Variants in PCGF6 observed in about 807,000 individuals in gnomAD.
PCGF6 encodes polycomb group RING finger protein 6.
In PCGF6, 24 loss-of-function variants were observed where a neutral mutation model predicts 45.5. The observed-to-expected ratio is 0.53, with a 90% CI of 0.38 to 0.74. The LOEUF is 0.74. PCGF6 is among the 30% of genes least tolerant of loss of function. The probability of loss-of-function intolerance (pLI) is 0.00; values close to 1 mark genes in which losing one functional copy is unlikely to be tolerated. For missense variants in PCGF6, 356 were observed against 443.2 expected (o/e 0.80, Z 1.77); for synonymous variants, 152 against 162.1 (o/e 0.94, Z 0.47).
At chr10:103,323,230 T>C (rs1427004908) in intron 8 of PCGF6, among the ~76,000 whole-genome samples, 1 of 152,212 alleles carries the variant, frequency 6.6e-6, no homozygotes, top group Admixed American at 6.5e-5. Flanking sequence ...AGAGAAGTCA[T>C]ATTTCACTGG....
At position 103,315,560 on chromosome 10, in the gene PCGF6, T is replaced by C. The variant is rs113077861; in HGVS notation, c.910-1288A>G. On this transcript the variant is annotated intron_variant, in intron 8 of 9. Transcript: ENST00000369847. ...ATTTTTAGTAGAGACGGGGTTTCAG[T>C]GTGTTAGCCAGGATGGTCTAGATCT... 4.0e-3 allele frequency among the ~76,000 whole-genome samples: 604 copies of C among 152,174 alleles called. 1 individual carries two copies. The highest frequency in any genetic ancestry group is 0.012 in the African/African-American group (511 of 41,528).
rs766729438 is a variant in PCGF6 at position 103,345,149 on chromosome 10, C to A, written c.674-17G>T. 2.0e-6 allele frequency: 3 copies of A among 1,514,924 alleles called. No homozygotes were observed. The highest frequency in any genetic ancestry group is 2.7e-6 in the Non-Finnish European group (3 of 1,108,128). 93.8% of individuals were successfully genotyped at this position (1,514,924 alleles called of 1,614,324 possible). A position where few individuals can be genotyped will look rare whatever the true frequency, so the allele number is the denominator to read the frequency against. ...GTGGAACAGCTATTTAATAGTCAAACAAAAATGTTAATTAAGAATAAAAAT... is the reference window on the plus strand; with the variant it reads ...GTGGAACAGCTATTTAATAGTCAAAAAAAAATGTTAATTAAGAATAAAAAT... On this transcript the variant is annotated splice_polypyrimidine_tract_variant and intron_variant, in intron 5 of 9. Coordinates refer to ENST00000369847, the MANE Select transcript of PCGF6 (RefSeq NM_001011663.2).
At position 103,348,627 on chromosome 10, in the gene PCGF6, G is replaced by A. The variant is rs150916738; in HGVS notation, c.557+89C>T. 20 of 1,012,214 alleles carry A rather than the reference G, an allele frequency of 2.0e-5. No homozygotes were observed. The African/African-American group carries it at 3.1e-4, about 16-fold the overall frequency. The allele number at this position is 1,012,214 out of a possible 1,614,324, so 62.7% of individuals were successfully genotyped here. A position where few individuals can be genotyped will look rare whatever the true frequency, so the allele number is the denominator to read the frequency against. On this transcript the variant is annotated intron_variant, in intron 3 of 9. Transcript: ENST00000369847. Reference sequence around the variant, plus strand: ...GCATTAGCCACTGAACCCATCCTGAGAGGTCAATAATTTATTCCAACTATA... The same window carrying A: ...GCATTAGCCACTGAACCCATCCTGAAAGGTCAATAATTTATTCCAACTATA...
Position 103,343,936 on chromosome 10 carries a change from ACTAT to A in PCGF6, c.782+1084_782+1087del, listed in dbSNP as rs2093290453. Among the ~76,000 whole-genome samples the A allele has an allele frequency of 2.0e-5, 3 of 151,944 alleles. No individual in the cohort carries two copies. In the South Asian group the frequency reaches 6.2e-4, roughly 32 times the overall value. On this transcript the variant is annotated intron_variant, in intron 6 of 9. Transcript: ENST00000369847. ...CTCAGTAAATCTACACTCGTGGAGA[ACTAT>A]CTATCTCACATATACACAGGAGATA...
intron 9 of PCGF6, among the ~76,000 whole-genome samples, chr10:103,308,547 C>A (rs757648828): frequency 6.6e-6 from 1 of 151,756 alleles, no homozygotes; most frequent in South Asian, 2.1e-4. Context: ...TACAGTAGTG[C>A]ACCACCATGC....
At chr10:103,311,031 C>T (rs562220527) in intron 9 of PCGF6, among the ~76,000 whole-genome samples, 17 of 152,240 alleles carry the variant, frequency 1.1e-4, no homozygotes, top group African/African-American at 4.1e-4. Flanking sequence ...AGACGGGACT[C>T]GCTATACTGC....
intron 8 of PCGF6, among the ~76,000 whole-genome samples, chr10:103,324,860 C>T (rs1343218841): frequency 1.3e-5 from 2 of 150,774 alleles, no homozygotes; most frequent in Non-Finnish European, 2.9e-5. Context: ...GTCAGCTGGG[C>T]ATGGTGGCTC....
chr10:103,308,729 C>T (rs2093146215), intron 9 of PCGF6, among the ~76,000 whole-genome samples: 1 of 151,780 alleles, frequency 6.6e-6, no homozygotes, highest in African/African-American at 2.4e-5. Flanking sequence ...AAAAATTAGC[C>T]AGGTTTGGTG....
chr10:103,303,191 T>C lies in PCGF6; in HGVS notation c.*714A>G. 6.6e-6 allele frequency: 1 copy of C among 152,614 alleles called. No individual in the cohort carries two copies. The highest frequency in any genetic ancestry group is 1.5e-5 in the Non-Finnish European group (1 of 68,042). The allele number at this position is 152,614 out of a possible 1,614,324, so 9.5% of individuals were successfully genotyped here. The stretch of plus-strand genomic sequence containing the variant: ...GCAAGGTATCAACAACCACACTATG[T>C]ACCCAAATAAAATGAATGTCAGAAA... On this transcript the variant is annotated 3_prime_UTR_variant, in exon 10 of 10. Coordinates refer to ENST00000369847, the MANE Select transcript of PCGF6 (RefSeq NM_001011663.2).
At chr10:103,328,839 C>G (rs905922867) in intron 7 of PCGF6, among the ~76,000 whole-genome samples, 9 of 151,652 alleles carry the variant, frequency 5.9e-5, no homozygotes, top group African/African-American at 9.7e-5. Context: ...GCAACCTCTG[C>G]CTTCCGGATT....
intron 9 of PCGF6, among the ~76,000 whole-genome samples, chr10:103,309,234 G>A (rs1180220427): frequency 6.6e-6 from 1 of 151,976 alleles, no homozygotes; most frequent in Non-Finnish European, 1.5e-5. Flanking sequence ...GATATGGTTT[G>A]GATCTGTGTC....
At chr10:103,313,009 T>C (rs1429462190) in intron 9 of PCGF6, among the ~76,000 whole-genome samples, 2 of 151,422 alleles carry the variant, frequency 1.3e-5, no homozygotes, top group Non-Finnish European at 2.9e-5. Context: ...CTTTCCACTA[T>C]AGATTCAGAA....
intron 7 of PCGF6, among the ~76,000 whole-genome samples, chr10:103,327,034 C>G (rs905127092): frequency 2.0e-5 from 3 of 152,200 alleles, no homozygotes; most frequent in African/African-American, 7.2e-5. Context: ...CGCCTGCAAT[C>G]CCAGCACTTT....
At chr10:103,338,406 G>A (rs781394095) in intron 6 of PCGF6, among the ~76,000 whole-genome samples, 8 of 151,426 alleles carry the variant, frequency 5.3e-5, no homozygotes, top group Non-Finnish European at 1.0e-4. Context: ...TTAGCCGGGC[G>A]TGGTGGCAGG....
chr10:103,331,595 T>C (rs999103923), intron 7 of PCGF6, among the ~76,000 whole-genome samples: 1 of 152,154 alleles, frequency 6.6e-6, no homozygotes, highest in African/African-American at 2.4e-5. Flanking sequence ...ATATTTCAAA[T>C]CAAATCCAAA....
intron 7 of PCGF6, among the ~76,000 whole-genome samples, chr10:103,331,080 G>T (rs1477076804): frequency 6.6e-6 from 1 of 152,056 alleles, no homozygotes; most frequent in East Asian, 1.9e-4. Flanking sequence ...ATATATGGAT[G>T]GCCTTTTGTG....
At chr10:103,305,055 C>T (rs913909804) in intron 9 of PCGF6, among the ~76,000 whole-genome samples, 1 of 152,032 alleles carries the variant, frequency 6.6e-6, no homozygotes, top group Admixed American at 6.6e-5. Flanking sequence ...CTCAATCTCC[C>T]AGGCTCAAGT....
Position 103,350,895 on chromosome 10 carries a change from C to T in PCGF6, c.172G>A (p.Gly58Ser), listed in dbSNP as rs1592082103. ...LSETGAPGCSGSRPPELEPER... is the reference protein window; with the variant it reads ...LSETGAPGCSSSRPPELEPER... ...GGCTCCAGCTCAGGGGGCCGGGAGCCGGAGCAGCCGGGAGCCCCCGTCTCA... is the reference window on the plus strand; with the variant it reads ...GGCTCCAGCTCAGGGGGCCGGGAGCTGGAGCAGCCGGGAGCCCCCGTCTCA... Residue 58 changes from glycine to serine, a missense_variant, in exon 1 of 10, where the codon GGC becomes AGC. By Grantham distance (56) the Gly-to-Ser change is moderately conservative. Around this residue, in one of 2 missense-constraint regions of PCGF6, gnomAD observed 307 missense variants for 350.1 expected, o/e 0.88. Transcript: ENST00000369847. 5 of 1,527,108 alleles carry T rather than the reference C, an allele frequency of 3.3e-6. No homozygotes were observed. The highest frequency in any genetic ancestry group is 4.4e-6 in the Non-Finnish European group (5 of 1,140,342). 94.6% of individuals were successfully genotyped at this position (1,527,108 alleles called of 1,614,324 possible).
In PCGF6 at chr10:103,351,060, C is replaced by G. The variant is rs767902294; in HGVS notation, c.7G>C (p.Gly3Arg). The change falls in exon 1 of 10, where the codon GGG becomes CGG. Residue 3 changes from glycine to arginine, a missense_variant. Transcript: ENST00000369847. ME[G>R]VAVVTAGSVG... is the part of the protein sequence containing the mutation. ...CTGCCCGCCGTCACCACCGCGACCC[C>G]CTCCATGGTCGGGAGAGACACCAGG... is the stretch of plus-strand genomic sequence containing the variant. The G allele has an allele frequency of 3.7e-5, 52 of 1,389,466 alleles. No individual in the cohort carries two copies. Among genetic ancestry groups the G allele is most frequent in the Non-Finnish European group, 4.7e-5 (50 of 1,071,986 alleles). 86.1% of individuals were successfully genotyped at this position (1,389,466 alleles called of 1,614,324 possible). A position where few individuals can be genotyped will look rare whatever the true frequency, so the allele number is the denominator to read the frequency against.
Sources: gnomAD v4.1 joint callset for allele counts (sites outside exome capture counted in the v4.1 genomes callset) on GRCh38, gnomAD v4.1.1 for gene constraint, gnomAD v4.1.1 regional missense constraint, MANE v1.5 for transcripts, NCBI Gene and HGNC (gene_info 2026-07-23, HGNC 2026-07-21) for gene names.